Variants in AHRR observed in about 807,000 individuals in gnomAD.
AHRR encodes ahR repressor.
In AHRR, 28 loss-of-function variants were observed where a neutral mutation model predicts 44.0. The observed-to-expected ratio is 0.64, with a 90% CI of 0.47 to 0.87. The LOEUF (loss-of-function observed/expected upper bound fraction) is 0.87, where lower values mean the gene tolerates loss of function less well. AHRR is among the 40% of genes least tolerant of loss of function. The probability of loss-of-function intolerance (pLI) is 0.00; values close to 1 mark genes in which losing one functional copy is unlikely to be tolerated. For missense variants in AHRR, 990 were observed against 953.9 expected (o/e 1.04, Z -0.50); for synonymous variants, 434 against 407.0 (o/e 1.07, Z -0.80).
chr5:397,953 CCCTGACCATCCACATAGCT>C (rs1560907410), intron 4 of AHRR, among the ~76,000 whole-genome samples: 157 of 96,006 alleles, frequency 1.6e-3, no homozygotes, highest in Non-Finnish European at 2.4e-3. Flanking sequence ...TCCACGTAGC[CCCTGACCATCCACATAGCT>C]CCTGACCATC....
chr5:415,749 A>G (rs574929180), intron 5 of AHRR, among the ~76,000 whole-genome samples: 102 of 150,178 alleles, frequency 6.8e-4, no homozygotes, highest in Non-Finnish European at 2.4e-4. Context: ...AGCAGCAGGC[A>G]GTGGAAGCCA....
rs2672724 is a variant in AHRR, at chr5:433,837, C to G, written c.1113-16C>G. Reference sequence around the variant, plus strand: ...TCTTCAGCTGCTGTCAAATGGGCCCCGTCTTTTCTCTGCAGGGACAGGGAG... The same window carrying G: ...TCTTCAGCTGCTGTCAAATGGGCCCGGTCTTTTCTCTGCAGGGACAGGGAG... On this transcript the variant is annotated splice_polypyrimidine_tract_variant and intron_variant, in intron 10 of 10. Transcript: ENST00000684583. The G allele has an allele frequency of 6.8e-7, 1 of 1,475,548 alleles. No individual in the cohort carries two copies. Among genetic ancestry groups the G allele is most frequent in the African/African-American group, 1.4e-5 (1 of 69,062 alleles). The allele number at this position is 1,475,548 out of a possible 1,614,324, so 91.4% of individuals were successfully genotyped here.
Position 433,867 on chromosome 5 carries a change from A to G in AHRR, c.1127A>G (p.Glu376Gly). Reference protein sequence around the residue: ...PKGGSGDREEEQHRMLSRASG... With the variant: ...PKGGSGDREEGQHRMLSRASG... The stretch of plus-strand genomic sequence containing the variant: ...TTTCTCTGCAGGGACAGGGAGGAGG[A>G]GCAGCACAGGATGCTGAGCAGGGCC... Residue 376 changes from glutamate (E) to glycine (G), a missense_variant, in exon 11 of 11, where the codon GAG becomes GGG. Physicochemically the swap from Glu to Gly is moderately conservative, Grantham distance 98. Transcript: ENST00000684583. 6.7e-7 allele frequency: 1 copy of G among 1,498,062 alleles called. No homozygotes were observed. The highest frequency in any genetic ancestry group is 8.9e-7 in the Non-Finnish European group (1 of 1,126,506). 92.8% of individuals were successfully genotyped at this position (1,498,062 alleles called of 1,614,324 possible).
At chr5:343,738 G>A in intron 1 of AHRR, 155 bp from the exon 2 acceptor site, 2 of 697,980 alleles carry the variant, frequency 2.9e-6, no homozygotes, top group Non-Finnish European at 2.3e-6. Flanking sequence ...AGGGGTCCCG[G>A]GCCAGGGGGT....
chr5:392,175 GGCGC>G (rs1734488543), intron 4 of AHRR, among the ~76,000 whole-genome samples: 2 of 31,720 alleles, frequency 6.3e-5, no homozygotes, highest in Admixed American at 2.3e-4. Context: ...AGCGTGCACG[GGCGC>G]AGGGCGAGGA....
chr5:376,552 A>ATGAGAACCGGGGGGGGAACGCGGG, intron 3 of AHRR, 58 bp from the exon 4 acceptor site: 1 of 1,409,246 alleles, frequency 7.1e-7, no homozygotes, highest in Non-Finnish European at 9.6e-7. Flanking sequence ...ATGTGAATGA[A>ATGAGAACCGGGGGGGGAACGCGGG]GAAGAGTGGC....
chr5:415,873 T>A (rs1735785666), intron 5 of AHRR, among the ~76,000 whole-genome samples: 1 of 152,154 alleles, frequency 6.6e-6, no homozygotes. Flanking sequence ...GGCTTTTGAA[T>A]TTTTTCCCAC....
intron 2 of AHRR, among the ~76,000 whole-genome samples, chr5:350,919 A>G (rs188538248): frequency 1.6e-4 from 25 of 151,664 alleles, no homozygotes; most frequent in African/African-American, 5.8e-4. Context: ...AAAGAAAAAC[A>G]ACCCAATTTA....
At chr5:340,057 G>A (rs963790979) in intron 1 of AHRR, among the ~76,000 whole-genome samples, 9 of 152,134 alleles carry the variant, frequency 5.9e-5, no homozygotes, top group African/African-American at 1.9e-4. Context: ...TGCTGAATTC[G>A]TAAATAAGTC....
At chr5:361,698 CT>C (rs1460976707) in intron 3 of AHRR, among the ~76,000 whole-genome samples, 1 of 152,234 alleles carries the variant, frequency 6.6e-6, no homozygotes, top group Non-Finnish European at 1.5e-5. Flanking sequence ...TCTCTTCCTA[CT>C]GGGTCCTGCC....
At chr5:335,038 G>A (rs1019732982) in intron 1 of AHRR, among the ~76,000 whole-genome samples, 1 of 152,242 alleles carries the variant, frequency 6.6e-6, no homozygotes, top group Non-Finnish European at 1.5e-5. Flanking sequence ...GTTGTGCTGG[G>A]GACTGGGATG....
In AHRR at chr5:404,191, G is replaced by A; in HGVS notation, c.352-9153G>A. ...CATTCCTGTCACGAGCTGGTCTTCT[G>A]CAGCCTTTGAACCCGTCGCAGCTCT... On this transcript the variant is annotated intron_variant, in intron 4 of 10. Transcript: ENST00000684583. This position sits in a 1 kb window ranked among gnomAD's most constrained non-coding sequence, Gnocchi z 4.1. 1 of 533,264 alleles carries A rather than the reference G, an allele frequency of 1.9e-6. No individual in the cohort carries two copies. The highest frequency in any genetic ancestry group is 1.6e-5 in the South Asian group (1 of 62,746). 33.0% of individuals were successfully genotyped at this position (533,264 alleles called of 1,614,324 possible). A position where few individuals can be genotyped will look rare whatever the true frequency, so the allele number is the denominator to read the frequency against.
intron 5 of AHRR, among the ~76,000 whole-genome samples, chr5:416,279 C>T (rs912609198): frequency 1.8e-4 from 28 of 152,242 alleles, no homozygotes; most frequent in Non-Finnish European, 2.4e-4. Flanking sequence ...GTCCCAGCAG[C>T]GACCTTGATG....
intron 4 of AHRR, among the ~76,000 whole-genome samples, chr5:390,608 G>C (rs1394487724): frequency 2.0e-5 from 3 of 152,206 alleles, no homozygotes; most frequent in African/African-American, 7.2e-5. Context: ...CAGAGCCTGA[G>C]AGACGCCGGG....
chr5:382,476 C>T (rs1734024035), intron 4 of AHRR, among the ~76,000 whole-genome samples: 1 of 152,140 alleles, frequency 6.6e-6, no homozygotes, highest in South Asian at 2.1e-4. Context: ...CTTTTAATGT[C>T]TGTAGGTTCC....
intron 5 of AHRR, among the ~76,000 whole-genome samples, chr5:420,368 A>G (rs907490650): frequency 4.6e-5 from 7 of 152,200 alleles, no homozygotes; most frequent in African/African-American, 7.2e-5. Flanking sequence ...AGGGAGAAAG[A>G]AGGAGCCCCA....
At chr5:343,787 C>T in intron 1 of AHRR, 106 bp from the exon 2 acceptor site, 2 of 1,165,612 alleles carry the variant, frequency 1.7e-6, no homozygotes, top group Non-Finnish European at 2.4e-6. Context: ...CTCGCGGGGT[C>T]GCGGGTGTGG....
At position 370,218 on chromosome 5, in the gene AHRR, G is replaced by A. The variant is rs368884147; in HGVS notation, c.245-6392G>A. ...TGGTGCCCCGTCCTCCCGGGCCCTC[G>A]CTGGAAGCCCCGTCCTCCCGGGCCC... On this transcript the variant is annotated intron_variant, in intron 3 of 10. Coordinates refer to ENST00000684583, the MANE Select transcript of AHRR (RefSeq NM_001377236.1). The surrounding 1 kb of genome is among the most constrained non-coding windows in gnomAD (Gnocchi z 4.5). Among the ~76,000 whole-genome samples the A allele has an allele frequency of 1.1e-3, 172 of 149,740 alleles. 6 individuals are homozygous for A. In the South Asian group the frequency reaches 0.032, roughly 28 times the overall value.
intron 4 of AHRR, among the ~76,000 whole-genome samples, chr5:402,149 G>T (rs1735039058): frequency 6.6e-6 from 1 of 152,304 alleles, no homozygotes; most frequent in East Asian, 1.9e-4. Flanking sequence ...CCTGATAGAC[G>T]CTTCTCCAAA....
Sources: gnomAD v4.1 joint callset for allele counts (sites outside exome capture counted in the v4.1 genomes callset) on GRCh38, gnomAD v4.1.1 for gene constraint, Gnocchi (gnomAD v3.1) non-coding constraint, MANE v1.5 for transcripts, NCBI Gene and HGNC (gene_info 2026-07-23, HGNC 2026-07-21) for gene names.